Variants in ATF6 observed in about 807,000 individuals in gnomAD.
ATF6 encodes activating transcription factor 6.
ATF6 carries 53 observed loss-of-function variants against 83.6 expected under a neutral mutation model. That is an observed-to-expected ratio of 0.63 (90% CI 0.51 to 0.80). ATF6 has a LOEUF of 0.80. Among genes scored for constraint, ATF6 ranks in the 30% least tolerant of loss-of-function variants. ATF6 has a pLI of 0.00. For synonymous variants in ATF6, 288 were observed against 285.8 expected (o/e 1.01, Z -0.08); for missense variants, 744 against 797.9 (o/e 0.93, Z 0.81).
intron 14 of ATF6, among the ~76,000 whole-genome samples, chr1:161,882,409 T>C (rs1687339760): frequency 6.6e-6 from 1 of 152,070 alleles, no homozygotes; most frequent in Non-Finnish European, 1.5e-5. Flanking sequence ...AATAAGCCTC[T>C]TATAAGAAAA....
At chr1:161,828,881 C>G (rs12029110) in intron 9 of ATF6, among the ~76,000 whole-genome samples, 2 of 151,994 alleles carry the variant, frequency 1.3e-5, no homozygotes, top group Non-Finnish European at 2.9e-5. Flanking sequence ...CCTAGAAAAA[C>G]TGGAGACCCA....
chr1:161,902,791 C>T (rs1052345233), intron 14 of ATF6, among the ~76,000 whole-genome samples: 9 of 151,862 alleles, frequency 5.9e-5, no homozygotes, highest in East Asian at 5.8e-4. Context: ...TAAAGGGTAA[C>T]GATATATAAT....
intron 9 of ATF6, among the ~76,000 whole-genome samples, chr1:161,832,397 A>G (rs911800326): frequency 2.0e-5 from 3 of 152,168 alleles, no homozygotes; most frequent in African/African-American, 7.2e-5. Flanking sequence ...GGGGAGTGCC[A>G]GACAGTGGGT....
At chr1:161,955,948 ACAATGCCATTC>A (rs1267142452) in intron 15 of ATF6, among the ~76,000 whole-genome samples, 1 of 152,186 alleles carries the variant, frequency 6.6e-6, no homozygotes, top group Non-Finnish European at 1.5e-5. Context: ...GCTTAAGATG[ACAATGCCATTC>A]CAACCATGGC....
At chr1:161,845,135 T>C (rs1177415843) in intron 9 of ATF6, among the ~76,000 whole-genome samples, 1 of 152,176 alleles carries the variant, frequency 6.6e-6, no homozygotes, top group Non-Finnish European at 1.5e-5. Flanking sequence ...ATGGAAAATA[T>C]ATTAAGGGAT....
intron 1 of ATF6, among the ~76,000 whole-genome samples, chr1:161,771,696 T>C (rs6658423): frequency 0.14 from 21,976 of 152,086 alleles, 2,166 homozygotes; most frequent in East Asian, 0.31. Context: ...TCACTGCATC[T>C]TCAGACCCCT....
At chr1:161,862,278 T>A (rs1191624700) in intron 13 of ATF6, among the ~76,000 whole-genome samples, 1 of 152,180 alleles carries the variant, frequency 6.6e-6, no homozygotes, top group East Asian at 1.9e-4. Flanking sequence ...TTATGACTCA[T>A]TTATTACTTC....
At chr1:161,804,356 A>G (rs1685227572) in intron 7 of ATF6, among the ~76,000 whole-genome samples, 1 of 152,142 alleles carries the variant, frequency 6.6e-6, no homozygotes, top group Admixed American at 6.5e-5. Flanking sequence ...AAAAATATTA[A>G]CAATATTAAT....
At chr1:161,889,207 C>T (rs892608150) in intron 14 of ATF6, among the ~76,000 whole-genome samples, 1 of 152,180 alleles carries the variant, frequency 6.6e-6, no homozygotes, top group African/African-American at 2.4e-5. Context: ...CCCCAAGTTC[C>T]CTTTCAGGAC....
intron 9 of ATF6, among the ~76,000 whole-genome samples, chr1:161,845,873 C>A (rs538708707): frequency 1.5e-4 from 22 of 151,156 alleles, no homozygotes; most frequent in African/African-American, 2.4e-5. Context: ...AGAGGATATA[C>A]ATTGATGAGT....
intron 15 of ATF6, among the ~76,000 whole-genome samples, chr1:161,949,647 G>C (rs1416051095): frequency 1.3e-5 from 2 of 152,210 alleles, no homozygotes; most frequent in African/African-American, 2.4e-5. Context: ...AGAAGGTGAA[G>C]GGGAGCCTGT....
intron 1 of ATF6, among the ~76,000 whole-genome samples, chr1:161,771,421 A>C (rs1347558947): frequency 6.6e-6 from 1 of 152,138 alleles, no homozygotes; most frequent in Non-Finnish European, 1.5e-5. Flanking sequence ...TGCCCCGGTG[A>C]ACGGTTGCTA....
At chr1:161,776,193 G>A (rs1335688856) in intron 1 of ATF6, among the ~76,000 whole-genome samples, 1 of 152,104 alleles carries the variant, frequency 6.6e-6, no homozygotes, top group African/African-American at 2.4e-5. Flanking sequence ...AATTATTTTA[G>A]ATATATTCAA....
chr1:161,858,285 A>G (rs1157785493), intron 12 of ATF6, among the ~76,000 whole-genome samples: 1 of 152,228 alleles, frequency 6.6e-6, no homozygotes, highest in Non-Finnish European at 1.5e-5. Flanking sequence ...ATTAGTAGTT[A>G]AATTCAGTGG....
chr1:161,844,792 T>A (rs1686443369), intron 9 of ATF6, among the ~76,000 whole-genome samples: 1 of 152,168 alleles, frequency 6.6e-6, no homozygotes, highest in South Asian at 2.1e-4. Context: ...TCATTTGACT[T>A]CCCTCCCAAA....
chr1:161,783,891 C>T, intron 3 of ATF6, 99 bp from the exon 4 acceptor site: 1 of 842,550 alleles, frequency 1.2e-6, no homozygotes, highest in Non-Finnish European at 1.9e-6. Context: ...GCTTCCATAT[C>T]TGATTGAATT....
chr1:161,822,475 A>G (rs1363393661), intron 9 of ATF6, among the ~76,000 whole-genome samples: 1 of 152,204 alleles, frequency 6.6e-6, no homozygotes. Flanking sequence ...TAGTAGGGGT[A>G]GGCATGAAGT....
chr1:161,784,051 G>C lies in ATF6; in HGVS notation c.309G>C (p.Ser103=). Residue 103 remains serine (S), a synonymous_variant, in exon 4 of 16, where the codon TCG becomes TCC. Transcript: ENST00000367942. ...LSPASSSYSV[S]SPRSVDSYSS... The stretch of plus-strand genomic sequence containing the variant: ...CAGCCTCCTCAAGTTATTCAGTCTC[G>C]TCTCCTCGGTCAGTGGACTCTTATT... 2 of 1,612,796 alleles carry C rather than the reference G, an allele frequency of 1.2e-6. No homozygotes were observed. Among genetic ancestry groups the C allele is most frequent in the African/African-American group, 1.3e-5 (1 of 74,922 alleles).
At chr1:161,949,939 A>G (rs1364469656) in intron 15 of ATF6, among the ~76,000 whole-genome samples, 2 of 152,318 alleles carry the variant, frequency 1.3e-5, no homozygotes, top group Non-Finnish European at 2.9e-5. Flanking sequence ...CACAAATTTG[A>G]AGAACAGTTG....
Sources: allele counts gnomAD v4.1 joint callset (sites outside exome capture counted in the v4.1 genomes callset), GRCh38; gene constraint gnomAD v4.1.1; transcripts MANE v1.5; gene names NCBI Gene and HGNC (gene_info 2026-07-23, HGNC 2026-07-21).